Variants in MAP4K5 observed in about 807,000 individuals in gnomAD.
The protein encoded by MAP4K5 is MAPK/ERK kinase kinase kinase 5.
In MAP4K5, 82 loss-of-function variants were observed where a neutral mutation model predicts 135.6. The observed-to-expected ratio is 0.60, with a 90% CI of 0.51 to 0.73. The LOEUF is 0.73. Among genes scored for constraint, MAP4K5 ranks in the 30% least tolerant of loss-of-function variants. The pLI, the probability that MAP4K5 is intolerant of heterozygous loss-of-function variation, is 0.00. For missense variants in MAP4K5, 907 were observed against 1,010.9 expected (o/e 0.90, Z 1.39); for synonymous variants, 347 against 335.0 (o/e 1.04, Z -0.39).
chr14:50,429,261 C>T lies in MAP4K5; in HGVS notation c.2165-1G>A. ...TGAATGGAATCTAACTGCTGGCTGCCTTAGGAAGTAAAAAACAAGGTTACA... is the reference window on the plus strand; with the variant it reads ...TGAATGGAATCTAACTGCTGGCTGCTTTAGGAAGTAAAAAACAAGGTTACA... On this transcript the variant is annotated splice_acceptor_variant, in intron 28 of 32. Transcript: ENST00000682126. LOFTEE classifies it high-confidence loss of function. 1 of 1,551,166 alleles carries T rather than the reference C, an allele frequency of 6.4e-7. No individual in the cohort carries two copies. The highest frequency in any genetic ancestry group is 2.4e-5 in the East Asian group (1 of 41,828).
At chr14:50,506,937 A>C (rs2037822573) in intron 2 of MAP4K5, among the ~76,000 whole-genome samples, 1 of 152,102 alleles carries the variant, frequency 6.6e-6, no homozygotes, top group South Asian at 2.1e-4. Flanking sequence ...CTAATTCCTA[A>C]AATTTCCCTT....
At chr14:50,480,067 G>A (rs564127831) in intron 6 of MAP4K5, among the ~76,000 whole-genome samples, 1 of 152,012 alleles carries the variant, frequency 6.6e-6, no homozygotes, top group Non-Finnish European at 1.5e-5. Context: ...CTTGTTACCT[G>A]ATTTTGACCA....
intron 11 of MAP4K5, among the ~76,000 whole-genome samples, chr14:50,465,926 T>C (rs2036822248): frequency 6.6e-6 from 1 of 152,002 alleles, no homozygotes; most frequent in Admixed American, 6.5e-5. Flanking sequence ...ATACAAAAAT[T>C]AGCTTGGCGT....
upstream of MAP4K5, among the ~76,000 whole-genome samples, chr14:50,534,563 C>T (rs2038468738): frequency 6.6e-6 from 1 of 152,216 alleles, no homozygotes; most frequent in African/African-American, 2.4e-5. Context: ...TGTTTGAGGT[C>T]ATAGGCTTCA....
intron 2 of MAP4K5, among the ~76,000 whole-genome samples, chr14:50,509,745 C>A (rs550067353): frequency 9.9e-5 from 15 of 151,826 alleles, no homozygotes; most frequent in African/African-American, 3.6e-4. Flanking sequence ...AACATAATAG[C>A]CACTTCTATG....
intron 1 of MAP4K5, among the ~76,000 whole-genome samples, chr14:50,543,088 G>A (rs553219487): frequency 1.3e-5 from 2 of 152,334 alleles, no homozygotes; most frequent in East Asian, 1.9e-4. Flanking sequence ...AGTTATACAA[G>A]AAGATCTGTT....
intron 3 of MAP4K5, among the ~76,000 whole-genome samples, chr14:50,488,907 G>A (rs1368759878): frequency 6.6e-6 from 1 of 152,220 alleles, no homozygotes; most frequent in Non-Finnish European, 1.5e-5. Context: ...TATCATGGAA[G>A]AGACTTACAT....
chr14:50,447,371 G>A, intron 16 of MAP4K5, 43 bp downstream of exon 16: 3 of 1,204,414 alleles, frequency 2.5e-6, no homozygotes, highest in East Asian at 2.6e-5. Context: ...CTGTTCTTAT[G>A]TAATCAAATA....
rs1566665163 is a variant in MAP4K5, at chr14:50,475,156, AG to A, written c.470-8del. On this transcript the variant is annotated splice_region_variant and splice_polypyrimidine_tract_variant and intron_variant, in intron 8 of 32. Transcript: ENST00000682126. ...GCAGCCACACCAAAGTCAGCTAGTG[AG>A]GAAAAAAACAGAAAATTTTAGTTCT... The A allele has an allele frequency of 1.2e-6, 2 of 1,613,484 alleles. No individual in the cohort carries two copies.
chr14:50,454,980 TG>T (rs1257406687), intron 14 of MAP4K5, among the ~76,000 whole-genome samples: 1 of 151,964 alleles, frequency 6.6e-6, no homozygotes, highest in African/African-American at 2.4e-5. Context: ...ATCAAAAGTA[TG>T]CTACTGGCAC....
chr14:50,440,213 A>G, intron 22 of MAP4K5, 140 bp from the exon 23 acceptor site: 1 of 788,414 alleles, frequency 1.3e-6, no homozygotes, highest in South Asian at 2.2e-5. Flanking sequence ...AAATCTTTCA[A>G]CATGAACATG....
intron 2 of MAP4K5, among the ~76,000 whole-genome samples, chr14:50,519,430 A>G (rs1217481998): frequency 6.6e-6 from 1 of 152,064 alleles, no homozygotes; most frequent in Non-Finnish European, 1.5e-5. Context: ...CAAGAAGGGC[A>G]GATCACCTGA....
intron 2 of MAP4K5, among the ~76,000 whole-genome samples, chr14:50,520,582 C>T (rs1175195625): frequency 1.3e-5 from 2 of 152,120 alleles, no homozygotes; most frequent in Non-Finnish European, 2.9e-5. Context: ...ACAAAACTAG[C>T]TAATGCTACT....
At chr14:50,498,824 T>C (rs139462815) in intron 3 of MAP4K5, among the ~76,000 whole-genome samples, 240 of 152,342 alleles carry the variant, frequency 1.6e-3, no homozygotes, top group Admixed American at 3.2e-3. Context: ...TTTTCATGTC[T>C]AAATACAATT....
At chr14:50,422,450 C>A (rs1265374051) in intron 32 of MAP4K5, among the ~76,000 whole-genome samples, 1 of 152,084 alleles carries the variant, frequency 6.6e-6, no homozygotes, top group African/African-American at 2.4e-5. Context: ...ATCCTTGTCT[C>A]AGGACTAATG....
Position 50,423,154 on chromosome 14 carries a change from T to C in MAP4K5, c.2420A>G (p.Glu807Gly). Residue 807 changes from glutamate (E) to glycine (G), a missense_variant, in exon 32 of 33, where the codon GAA becomes GGA. Around this residue, in one of 3 missense-constraint regions of MAP4K5, gnomAD observed 690 missense variants for 777.4 expected, o/e 0.89. Transcript: ENST00000682126. ...SDEVTQEISD[E>G]TRVFRLLGSD... Reference sequence around the variant, plus strand: ...TCCTAATAAGCGGAAAACTCTTGTTTCATCTGAAATCTCCTGGGTAACCTA... The same window carrying C: ...TCCTAATAAGCGGAAAACTCTTGTTCCATCTGAAATCTCCTGGGTAACCTA... 2 of 1,571,048 alleles carry C rather than the reference T, an allele frequency of 1.3e-6. No homozygotes were observed. The highest frequency in any genetic ancestry group is 1.7e-6 in the Non-Finnish European group (2 of 1,145,890).
chr14:50,490,672 C>T (rs1303363681), intron 3 of MAP4K5, among the ~76,000 whole-genome samples: 6 of 152,162 alleles, frequency 3.9e-5, no homozygotes, highest in Admixed American at 3.9e-4. Flanking sequence ...GGGCAGCCAA[C>T]CCCCTAAAAC....
intron 1 of MAP4K5, among the ~76,000 whole-genome samples, chr14:50,555,457 A>AT (rs2140166379): frequency 6.6e-6 from 1 of 151,824 alleles, no homozygotes; most frequent in South Asian, 2.1e-4. Flanking sequence ...AATTTTTTGT[A>AT]TTTTTTAGTA....
At position 50,512,689 on chromosome 14, in the gene MAP4K5, G is replaced by T. The variant is rs1286147143; in HGVS notation, c.109-7832C>A. 3.3e-5 allele frequency among the ~76,000 whole-genome samples: 5 copies of T among 152,038 alleles called. No homozygotes were observed. In the East Asian group the frequency reaches 9.6e-4, roughly 29 times the overall value. ...CTCTTTTATAATGAAAGGCAAAGAG[G>T]CTTTCAGAAAAAGAGATCTTCTAAA... is the stretch of plus-strand genomic sequence containing the variant. On this transcript the variant is annotated intron_variant, in intron 2 of 32. Coordinates refer to ENST00000682126, the MANE Select transcript of MAP4K5 (RefSeq NM_006575.6).
Sources: gnomAD v4.1 joint callset for allele counts (sites outside exome capture counted in the v4.1 genomes callset) on GRCh38, gnomAD v4.1.1 for gene constraint, gnomAD v4.1.1 regional missense constraint, MANE v1.5 for transcripts, NCBI Gene and HGNC (gene_info 2026-07-23, HGNC 2026-07-21) for gene names.